Variants in CAMK2G observed in about 807,000 individuals in gnomAD.
CAMK2G encodes calcium/calmodulin dependent protein kinase II gamma.
In CAMK2G, 23 loss-of-function variants were observed where a neutral mutation model predicts 88.7. The observed-to-expected ratio is 0.26, with a 90% CI of 0.19 to 0.37. The LOEUF is 0.37. Ranked by LOEUF, CAMK2G falls within the 10% of genes least tolerant of loss-of-function variation. CAMK2G has a pLI of 1.00. For synonymous variants in CAMK2G, 263 were observed against 294.8 expected, an observed-to-expected ratio of 0.89 and a Z score of 1.11; for missense variants, 476 against 780.8, an observed-to-expected ratio of 0.61 and a Z score of 4.65.
At chr10:73,834,315 T>C (rs1226820589) in intron 14 of CAMK2G, among the ~76,000 whole-genome samples, 1 of 152,190 alleles carries the variant, frequency 6.6e-6, no homozygotes, top group East Asian at 1.9e-4. Flanking sequence ...CGGTTGGCCT[T>C]TTAATTTTGG....
intron 3 of CAMK2G, among the ~76,000 whole-genome samples, chr10:73,856,074 G>A (rs1186173833): frequency 6.6e-6 from 1 of 152,092 alleles, no homozygotes; most frequent in Non-Finnish European, 1.5e-5. Context: ...CACCCCATCA[G>A]ATTCTGATAA....
intron 2 of CAMK2G, among the ~76,000 whole-genome samples, chr10:73,867,376 A>G (rs956301014): frequency 3.9e-5 from 6 of 152,210 alleles, no homozygotes; most frequent in African/African-American, 9.6e-5. Flanking sequence ...AGGGCCAGAA[A>G]AGGGTCAGCC....
chr10:73,872,655 G>A (rs1442895633), intron 2 of CAMK2G, among the ~76,000 whole-genome samples: 1 of 152,162 alleles, frequency 6.6e-6, no homozygotes, highest in Non-Finnish European at 1.5e-5. Context: ...GCCCCAAAGG[G>A]AGAGGCTCCA....
intron 21 of CAMK2G, chr10:73,816,563 T>C (rs2133091516): frequency 1.5e-6 from 1 of 654,100 alleles, no homozygotes; most frequent in Non-Finnish European, 2.2e-6. Context: ...CAGGTTCACA[T>C]CATTCTCCTG....
intron 2 of CAMK2G, among the ~76,000 whole-genome samples, chr10:73,868,900 T>A (rs1156762414): frequency 6.6e-6 from 1 of 152,140 alleles, no homozygotes; most frequent in African/African-American, 2.4e-5. Flanking sequence ...GTGGCCAACA[T>A]GCCACAACCC....
At chr10:73,871,224 T>C (rs911898221) in intron 2 of CAMK2G, among the ~76,000 whole-genome samples, 5 of 150,612 alleles carry the variant, frequency 3.3e-5, no homozygotes, top group African/African-American at 9.8e-5. Context: ...GGGAAAGATA[T>C]CCATTGGGAA....
At chr10:73,820,787 C>T (rs1213689754) in intron 18 of CAMK2G, among the ~76,000 whole-genome samples, 8 of 150,956 alleles carry the variant, frequency 5.3e-5, no homozygotes, top group Non-Finnish European at 7.4e-5. Flanking sequence ...ATTCTCCCAC[C>T]TCCGCCTCCC....
In CAMK2G at chr10:73,828,100, C is replaced by T. The variant is rs1210649115; in HGVS notation, c.1075G>A (p.Val359Met). The T allele has an allele frequency of 5.6e-6, 9 of 1,613,626 alleles. No homozygotes were observed. The highest frequency in any genetic ancestry group is 2.2e-5 in the East Asian group (1 of 44,870). The change falls in exon 15 of 23, where the codon GTG becomes ATG. Residue 359 changes from valine (V) to methionine (M), a missense_variant. By Grantham distance (21) the Val-to-Met change is conservative. Around this residue, in one of 3 missense-constraint regions of CAMK2G, gnomAD observed 278 missense variants for 366.5 expected, o/e 0.76. Transcript: ENST00000423381. ...GVKKRKSSSS[V>M]HLMPQSNNKN... ...CAGGCAAGGCTCACCATTAGGTGCA[C>T]GCTGGAACTCGACTTCCTTTTCTGG...
chr10:73,857,807 C>T (rs766896056), intron 3 of CAMK2G, among the ~76,000 whole-genome samples: 3 of 152,218 alleles, frequency 2.0e-5, no homozygotes, highest in Non-Finnish European at 2.9e-5. Context: ...ACACTCCCAG[C>T]GCTGTTTGGA....
chr10:73,847,505 C>T (rs562930612), intron 9 of CAMK2G, among the ~76,000 whole-genome samples, 158 bp from the exon 10 acceptor site: 4 of 152,170 alleles, frequency 2.6e-5, no homozygotes, highest in Admixed American at 6.5e-5. Context: ...ATTCCAGAAC[C>T]TGTGTCAACT....
rs140988289 is a variant in CAMK2G, at chr10:73,814,919, G to A, written c.*12+84C>T. 149 of 932,268 alleles carry A rather than the reference G, an allele frequency of 1.6e-4. No individual in the cohort carries two copies. In the African/African-American group the frequency reaches 2.2e-3, roughly 13 times the overall value. 57.7% of individuals were successfully genotyped at this position (932,268 alleles called of 1,614,324 possible). On this transcript the variant is annotated intron_variant, in intron 22 of 22. Coordinates refer to ENST00000423381, the MANE Select transcript of CAMK2G (RefSeq NM_001367534.1). ...GGACGGCCCACACCTCCTCTCCCAG[G>A]ACCACCTCCCAGCCTTCTCTTCTTC...
In CAMK2G at chr10:73,834,120, G is replaced by A. The variant is rs968384537; in HGVS notation, c.1053+3348C>T. On this transcript the variant is annotated intron_variant, in intron 14 of 22. Transcript: ENST00000423381. ...TTTTCAGTAGAGATGGGGTTTCACC[G>A]TGTTAGCCAGGATGGTCTCGATCTC... Among the ~76,000 whole-genome samples, 15 of 151,244 alleles carry A rather than the reference G, an allele frequency of 9.9e-5. No individual in the cohort carries two copies. In the East Asian group the frequency reaches 1.2e-3, roughly 12 times the overall value.
intron 5 of CAMK2G, among the ~76,000 whole-genome samples, chr10:73,849,661 G>C (rs1277291725): frequency 6.6e-6 from 1 of 152,216 alleles, no homozygotes; most frequent in Non-Finnish European, 1.5e-5. Flanking sequence ...AGGAAGAAGA[G>C]AGCATCCAAT....
intron 5 of CAMK2G, 111 bp from the exon 6 acceptor site, chr10:73,849,444 G>C (rs1350845104): frequency 1.4e-6 from 1 of 708,288 alleles, no homozygotes; most frequent in Non-Finnish European, 2.5e-6. Flanking sequence ...CGGATTCACA[G>C]AGAATCACTT....
chr10:73,859,985 G>C (rs1164490848), intron 3 of CAMK2G, among the ~76,000 whole-genome samples: 2 of 152,246 alleles, frequency 1.3e-5, no homozygotes, highest in Non-Finnish European at 1.5e-5. Flanking sequence ...GAGGAGCACA[G>C]AACACGTGTT....
chr10:73,867,001 C>A (rs901281862), intron 2 of CAMK2G, among the ~76,000 whole-genome samples: 1 of 152,146 alleles, frequency 6.6e-6, no homozygotes, highest in Non-Finnish European at 1.5e-5. Flanking sequence ...AAAGTCCATC[C>A]GACACACAAG....
chr10:73,817,072 A>T lies in CAMK2G; in HGVS notation c.1485T>A (p.Leu495=). Reference sequence around the variant, plus strand: ...AATCCATCCCCTCCACGAGGTTACCAAGGGCCTCAGGCTCAAAGGAAGTGA... The same window carrying T: ...AATCCATCCCCTCCACGAGGTTACCTAGGGCCTCAGGCTCAAAGGAAGTGA... ...PGLTSFEPEA[L]GNLVEGMDFH... Residue 495 remains leucine, a synonymous_variant, in exon 21 of 23, where the codon CTT becomes CTA. Coordinates refer to ENST00000423381, the MANE Select transcript of CAMK2G (RefSeq NM_001367534.1). The T allele has an allele frequency of 6.2e-7, 1 of 1,614,030 alleles. No individual in the cohort carries two copies.
chr10:73,820,391 C>G (rs2087556969), intron 18 of CAMK2G, among the ~76,000 whole-genome samples: 1 of 149,690 alleles, frequency 6.7e-6, no homozygotes, highest in African/African-American at 2.5e-5. Context: ...CCAACTCCAT[C>G]ATTCAGGCCA....
chr10:73,850,977 C>A (rs1253812429), intron 5 of CAMK2G, among the ~76,000 whole-genome samples: 1 of 152,204 alleles, frequency 6.6e-6, no homozygotes, highest in Non-Finnish European at 1.5e-5. Context: ...TACAGTCACC[C>A]CCCCTCAGGG....
Sources: allele counts gnomAD v4.1 joint callset (sites outside exome capture counted in the v4.1 genomes callset), GRCh38; gene constraint gnomAD v4.1.1; regional missense constraint gnomAD v4.1.1; transcripts MANE v1.5; gene names NCBI Gene and HGNC (gene_info 2026-07-23, HGNC 2026-07-21).